Variants in PIEZO2 observed in about 807,000 individuals in gnomAD.
The protein encoded by PIEZO2 is piezo-type mechanosensitive ion channel component 2.
Under a neutral mutation model 337.3 loss-of-function variants are expected in PIEZO2, and 172 were observed. The ratio of observed to expected loss-of-function variants is 0.51; its 90% confidence interval spans 0.45 to 0.58. PIEZO2 has a LOEUF of 0.58. PIEZO2 is among the 20% of genes least tolerant of loss of function. The pLI is 0.00. For missense variants in PIEZO2, 3,028 were observed against 3,391.3 expected (o/e 0.89, Z 2.66); for synonymous variants, 1,251 against 1,228.5 (o/e 1.02, Z -0.38).
chr18:10,811,080 C>T (rs1175898884), intron 7 of PIEZO2, among the ~76,000 whole-genome samples: 1 of 152,120 alleles, frequency 6.6e-6, no homozygotes, highest in Non-Finnish European at 1.5e-5. Flanking sequence ...CCTGATATTC[C>T]TTATAGTTAA....
rs1048587505 is a variant in PIEZO2 at position 10,833,812 on chromosome 18, A to C, written c.917+21541T>G. ...AAATGCATCTGCAAATCCTTTGTTT[A>C]AAAAACGCATTAGGCTGCCCTTTCC... On this transcript the variant is annotated intron_variant, in intron 7 of 55. Coordinates refer to ENST00000674853, the MANE Select transcript of PIEZO2 (RefSeq NM_001378183.1). The surrounding 1 kb of genome is among the most constrained non-coding windows in gnomAD (Gnocchi z 4.7). Among the ~76,000 whole-genome samples, 2 of 152,202 alleles carry C rather than the reference A, an allele frequency of 1.3e-5. No homozygotes were observed. Among genetic ancestry groups the C allele is most frequent in the Non-Finnish European group, 2.9e-5 (2 of 68,048 alleles).
chr18:10,853,291 C>T lies in PIEZO2; in HGVS notation c.917+2062G>A, dbSNP rs2041609770. Among the ~76,000 whole-genome samples the T allele has an allele frequency of 6.6e-6, 1 of 152,154 alleles. No individual in the cohort carries two copies. The highest frequency in any genetic ancestry group is 2.4e-5 in the African/African-American group (1 of 41,450). On this transcript the variant is annotated intron_variant, in intron 7 of 55. Transcript: ENST00000674853. The surrounding 1 kb of genome is among the most constrained non-coding windows in gnomAD (Gnocchi z 4.2). ...GGAATCAAGCCAATGTATAAAACCC[C>T]AGTCAAAGGTCAAACCGTGCACTTG...
At chr18:10,946,808 C>A (rs1246613383) in intron 3 of PIEZO2, among the ~76,000 whole-genome samples, 1 of 151,926 alleles carries the variant, frequency 6.6e-6, no homozygotes, top group African/African-American at 2.4e-5. Context: ...ATGATAGATA[C>A]AATTAAAAAT....
intron 7 of PIEZO2, among the ~76,000 whole-genome samples, chr18:10,816,267 C>G (rs1488026672): frequency 6.6e-6 from 1 of 152,166 alleles, no homozygotes; most frequent in East Asian, 1.9e-4. Context: ...ATCACGAAGT[C>G]TTATGCCATT....
intron 36 of PIEZO2, among the ~76,000 whole-genome samples, chr18:10,731,015 C>T (rs59305949): frequency 0.24 from 36,577 of 151,824 alleles, 4,546 homozygotes; most frequent in South Asian, 0.33. Context: ...CATGAGCCAC[C>T]GCGCCTGGCC....
Position 11,128,621 on chromosome 18 carries a change from G to A in PIEZO2, c.64+19904C>T, listed in dbSNP as rs538233833. ...CTTTGTCTGAGGACATAAACCCTGC[G>A]CTGCCTGAGGCAACAGTGATGGCCT... On this transcript the variant is annotated intron_variant, in intron 1 of 55. Coordinates refer to ENST00000674853, the MANE Select transcript of PIEZO2 (RefSeq NM_001378183.1). The surrounding 1 kb of genome is among the most constrained non-coding windows in gnomAD (Gnocchi z 4.1). 3.9e-5 allele frequency among the ~76,000 whole-genome samples: 6 copies of A among 152,188 alleles called. No individual in the cohort carries two copies. Among genetic ancestry groups the A allele is most frequent in the Admixed American group, 6.5e-5 (1 of 15,284 alleles).
intron 3 of PIEZO2, among the ~76,000 whole-genome samples, chr18:10,965,593 A>G (rs940129911): frequency 2.0e-5 from 3 of 152,232 alleles, no homozygotes; most frequent in South Asian, 4.1e-4. Context: ...AATATGGTAC[A>G]GTCTAGAAAG....
At position 10,825,843 on chromosome 18, in the gene PIEZO2, G is replaced by T. The variant is rs1436653520; in HGVS notation, c.918-18569C>A. Among the ~76,000 whole-genome samples the T allele has an allele frequency of 9.2e-5, 14 of 152,226 alleles. No homozygotes were observed. In the East Asian group the frequency reaches 2.7e-3, roughly 29 times the overall value. On this transcript the variant is annotated intron_variant, in intron 7 of 55. Coordinates refer to ENST00000674853, the MANE Select transcript of PIEZO2 (RefSeq NM_001378183.1). ...TGGTATTATGGGTGTGAGCCACCAT[G>T]CCTGGCCTCCACTTTCCATACTCTA... is the stretch of plus-strand genomic sequence containing the variant.
At position 10,940,218 on chromosome 18, in the gene PIEZO2, C is replaced by T. The variant is rs1465385430; in HGVS notation, c.287-28990G>A. ...TAAAGTGAGTGTTCATTGGTGATTGCTGATATTCAAGATGCGTGAATTAGT... is the reference window on the plus strand; with the variant it reads ...TAAAGTGAGTGTTCATTGGTGATTGTTGATATTCAAGATGCGTGAATTAGT... On this transcript the variant is annotated intron_variant, in intron 3 of 55. Coordinates refer to ENST00000674853, the MANE Select transcript of PIEZO2 (RefSeq NM_001378183.1). This position sits in a 1 kb window ranked among gnomAD's most constrained non-coding sequence, Gnocchi z 5.3. 6.6e-6 allele frequency among the ~76,000 whole-genome samples: 1 copy of T among 152,184 alleles called. No homozygotes were observed. The highest frequency in any genetic ancestry group is 1.5e-5 in the Non-Finnish European group (1 of 68,032).
chr18:10,841,688 C>A (rs1036211103), intron 7 of PIEZO2, among the ~76,000 whole-genome samples: 1 of 152,144 alleles, frequency 6.6e-6, no homozygotes, highest in Admixed American at 6.5e-5. Context: ...TAATGGGACT[C>A]CTTCAGGATG....
At chr18:10,684,196 T>G (rs373826391) in intron 49 of PIEZO2, among the ~76,000 whole-genome samples, 2 of 136,536 alleles carry the variant, frequency 1.5e-5, no homozygotes, top group South Asian at 5.2e-4. Flanking sequence ...GACGGAGTCT[T>G]GCTCTGTCGC....
In PIEZO2 at chr18:11,003,678, C is replaced by T. The variant is rs1349100666; in HGVS notation, c.161-24018G>A. On this transcript the variant is annotated intron_variant, in intron 2 of 55. Coordinates refer to ENST00000674853, the MANE Select transcript of PIEZO2 (RefSeq NM_001378183.1). The surrounding 1 kb of genome is among the most constrained non-coding windows in gnomAD (Gnocchi z 4.6). ...TACACCGTCCCATCTTGGGCACACTCACATACTAGCACACAGACTGGGACC... is the reference window on the plus strand; with the variant it reads ...TACACCGTCCCATCTTGGGCACACTTACATACTAGCACACAGACTGGGACC... Among the ~76,000 whole-genome samples the T allele has an allele frequency of 1.3e-5, 2 of 152,284 alleles. No individual in the cohort carries two copies. Among genetic ancestry groups the T allele is most frequent in the East Asian group, 3.9e-4 (2 of 5,170 alleles).
In PIEZO2 at chr18:10,830,240, C is replaced by T. The variant is rs62085161; in HGVS notation, c.918-22966G>A. On this transcript the variant is annotated intron_variant, in intron 7 of 55. Coordinates refer to ENST00000674853, the MANE Select transcript of PIEZO2 (RefSeq NM_001378183.1). The surrounding 1 kb of genome is among the most constrained non-coding windows in gnomAD (Gnocchi z 4.7). ...GTGCTGGGAAAACTGGATATCCATA[C>T]GCAGAAGATTAACACTAGACCCCTA... Among the ~76,000 whole-genome samples, 25,613 of 152,058 alleles carry T rather than the reference C, an allele frequency of 0.17. 2,576 individuals are homozygous for T. Among genetic ancestry groups the T allele is most frequent in the African/African-American group, 0.28 (11,770 of 41,478 alleles).
intron 34 of PIEZO2, among the ~76,000 whole-genome samples, chr18:10,735,563 C>T (rs1380117427): frequency 2.0e-5 from 3 of 152,132 alleles, no homozygotes; most frequent in Non-Finnish European, 4.4e-5. Context: ...CTCTCCTTGG[C>T]TGCACGATGA....
intron 7 of PIEZO2, among the ~76,000 whole-genome samples, chr18:10,849,894 A>G (rs1400750572): frequency 6.6e-6 from 1 of 152,218 alleles, no homozygotes; most frequent in Non-Finnish European, 1.5e-5. Context: ...TTTGAATGGT[A>G]TATTACTGGT....
At chr18:10,756,511 T>G (rs2037858213) in intron 27 of PIEZO2, among the ~76,000 whole-genome samples, 1 of 128,080 alleles carries the variant, frequency 7.8e-6, no homozygotes, top group Non-Finnish European at 1.6e-5. Context: ...AAATGGAGGA[T>G]GAGGAGGAAG....
chr18:10,950,409 T>C (rs1408145958), intron 3 of PIEZO2, among the ~76,000 whole-genome samples: 1 of 152,130 alleles, frequency 6.6e-6, no homozygotes, highest in East Asian at 1.9e-4. Context: ...ACAAAACACA[T>C]GCTTGAAGGA....
chr18:11,138,631 GA>G (rs1374353062), intron 1 of PIEZO2, among the ~76,000 whole-genome samples: 2 of 152,164 alleles, frequency 1.3e-5, no homozygotes, highest in African/African-American at 4.8e-5. Context: ...TCTGTATATT[GA>G]GGAGTAAGTT....
At chr18:10,924,723 C>G (rs1310090764) in intron 3 of PIEZO2, among the ~76,000 whole-genome samples, 3 of 152,150 alleles carry the variant, frequency 2.0e-5, no homozygotes, top group Non-Finnish European at 4.4e-5. Context: ...ATAATACTGG[C>G]AAGCATTTCA....
Sources: allele counts gnomAD v4.1 joint callset (sites outside exome capture counted in the v4.1 genomes callset), GRCh38; gene constraint gnomAD v4.1.1; non-coding constraint Gnocchi (gnomAD v3.1); transcripts MANE v1.5; gene names NCBI Gene and HGNC (gene_info 2026-07-23, HGNC 2026-07-21).